The following IGSF21 variants were observed in gnomAD, a reference collection of about 807,000 sequenced individuals.
IGSF21 encodes immunoglobulin superfamily member 21.
A neutral mutation model predicts 46.8 loss-of-function variants in IGSF21; 28 were observed. The ratio of observed to expected loss-of-function variants is 0.60; its 90% CI spans 0.44 to 0.82. The LOEUF is 0.82. IGSF21 is among the 40% of genes least tolerant of loss of function. IGSF21 has a pLI of 0.00. For synonymous variants in IGSF21, 284 were observed against 273.6 expected, an observed-to-expected ratio of 1.04 and a Z score of -0.38; for missense variants, 624 against 665.5, an observed-to-expected ratio of 0.94 and a Z score of 0.69.
intron 9 of IGSF21, 28 bp downstream of exon 9, chr1:18,377,459 CT>C: frequency 6.2e-7 from 1 of 1,600,414 alleles, no homozygotes; most frequent in East Asian, 2.2e-5. Flanking sequence ...GGATTTTTTG[CT>C]TAAAAGGGAG....
At chr1:18,242,944 G>T (rs1439131590) in intron 2 of IGSF21, among the ~76,000 whole-genome samples, 1 of 152,176 alleles carries the variant, frequency 6.6e-6, no homozygotes, top group Non-Finnish European at 1.5e-5. Context: ...AGTGAGGAAG[G>T]GACAGTGGGC....
At chr1:18,369,380 C>T (rs74056442) in intron 6 of IGSF21, among the ~76,000 whole-genome samples, 79 of 152,288 alleles carry the variant, frequency 5.2e-4, no homozygotes, top group African/African-American at 1.9e-3. Flanking sequence ...CCTGTGAGGC[C>T]GCTGAGAGTT....
chr1:18,342,054 G>GTT (rs60349068), intron 4 of IGSF21, among the ~76,000 whole-genome samples: 101 of 144,620 alleles, frequency 7.0e-4, no homozygotes, highest in African/African-American at 2.4e-3. Flanking sequence ...CATTTTCCTT[G>GTT]TTTTTTTTTT....
chr1:18,240,835 G>A (rs1190033613), intron 2 of IGSF21, among the ~76,000 whole-genome samples: 1 of 152,212 alleles, frequency 6.6e-6, no homozygotes, highest in Non-Finnish European at 1.5e-5. Flanking sequence ...AGTGCACCCA[G>A]AGCTATTGAC....
rs1050532693 is a variant in IGSF21 at position 18,234,806 on chromosome 1, G to A, written c.183+6796G>A. 8.6e-5 allele frequency among the ~76,000 whole-genome samples: 13 copies of A among 151,934 alleles called. 1 individual carries two copies. The highest frequency in any genetic ancestry group is 8.5e-4 in the Admixed American group (13 of 15,244). Reference sequence around the variant, plus strand: ...CCACAGTTCAAGACGAGATTTGGGTGGGGGCACAGCCAAACCATATCACAA... The same window carrying A: ...CCACAGTTCAAGACGAGATTTGGGTAGGGGCACAGCCAAACCATATCACAA... On this transcript the variant is annotated intron_variant, in intron 2 of 9. Transcript: ENST00000251296.
At chr1:18,214,984 C>G (rs1557591112) in intron 1 of IGSF21, among the ~76,000 whole-genome samples, 1 of 152,194 alleles carries the variant, frequency 6.6e-6, no homozygotes, top group Non-Finnish European at 1.5e-5. Flanking sequence ...TCGTGATCCG[C>G]CCTCCTCGGC....
chr1:18,281,493 G>T (rs1199915342), intron 2 of IGSF21, among the ~76,000 whole-genome samples: 3 of 151,662 alleles, frequency 2.0e-5, no homozygotes, highest in African/African-American at 7.3e-5. Flanking sequence ...TTGAACTCAG[G>T]AGACGGAGGT....
chr1:18,287,909 G>A (rs1318413575), intron 2 of IGSF21, among the ~76,000 whole-genome samples: 1 of 152,186 alleles, frequency 6.6e-6, no homozygotes, highest in African/African-American at 2.4e-5. Flanking sequence ...AGCAAGAGAT[G>A]CTTTGCTCTC....
At chr1:18,268,047 G>A (rs1251562775) in intron 2 of IGSF21, among the ~76,000 whole-genome samples, 1 of 152,194 alleles carries the variant, frequency 6.6e-6, no homozygotes, top group Admixed American at 6.5e-5. Flanking sequence ...TTGCTGCTGT[G>A]TCCCCAGTGC....
At chr1:18,260,372 G>A (rs74056569) in intron 2 of IGSF21, among the ~76,000 whole-genome samples, 2,523 of 152,344 alleles carry the variant, frequency 0.017, 88 homozygotes, top group African/African-American at 0.056. Context: ...AGCTTAGCCC[G>A]GGAGGGTTCT....
Position 18,227,978 on chromosome 1 carries a change from G to C in IGSF21, c.151G>C (p.Asp51His), listed in dbSNP as rs780363641. Residue 51 changes from aspartate to histidine, a missense_variant, in exon 2 of 10, where the codon GAT becomes CAT. Coordinates refer to ENST00000251296, the MANE Select transcript of IGSF21 (RefSeq NM_032880.5). ...GACTTTGAAGTGTAACTTCAAGACA[G>C]ATGGGCGCATGCGGGAGATCGTGTG... ...AVTLKCNFKT[D>H]GRMREIVWYR... The C allele has an allele frequency of 1.2e-6, 2 of 1,614,078 alleles. No individual in the cohort carries two copies.
intron 1 of IGSF21, among the ~76,000 whole-genome samples, chr1:18,156,021 T>G (rs2086565386): frequency 6.6e-6 from 1 of 152,240 alleles, no homozygotes; most frequent in Non-Finnish European, 1.5e-5. Flanking sequence ...CCTGGCAGCC[T>G]GTGTAAATAG....
chr1:18,140,040 C>A (rs974261354), intron 1 of IGSF21, among the ~76,000 whole-genome samples: 1 of 152,176 alleles, frequency 6.6e-6, no homozygotes, highest in Admixed American at 6.5e-5. Flanking sequence ...TCAACCTCCC[C>A]AGCTCAAACA....
intron 1 of IGSF21, among the ~76,000 whole-genome samples, chr1:18,197,920 A>C (rs1477869042): frequency 1.3e-5 from 2 of 152,118 alleles, no homozygotes; most frequent in African/African-American, 4.8e-5. Context: ...TTCTATAAGA[A>C]TCCAGTGGAT....
At chr1:18,289,506 C>T (rs2085246627) in intron 2 of IGSF21, among the ~76,000 whole-genome samples, 1 of 152,262 alleles carries the variant, frequency 6.6e-6, no homozygotes, top group African/African-American at 2.4e-5. Flanking sequence ...AATCATTTTG[C>T]CTCTCCAAGC....
chr1:18,237,949 G>A (rs544042922), intron 2 of IGSF21, among the ~76,000 whole-genome samples: 2 of 152,190 alleles, frequency 1.3e-5, no homozygotes, highest in African/African-American at 4.8e-5. Context: ...TGATCCTTGG[G>A]CCAGGGATTC....
At chr1:18,326,769 G>C (rs1360663891) in intron 3 of IGSF21, among the ~76,000 whole-genome samples, 1 of 152,126 alleles carries the variant, frequency 6.6e-6, no homozygotes, top group Non-Finnish European at 1.5e-5. Context: ...GGCCACATCT[G>C]AGTTTGCAGT....
intron 3 of IGSF21, among the ~76,000 whole-genome samples, chr1:18,305,260 G>A (rs1226024991): frequency 2.0e-5 from 3 of 151,800 alleles, no homozygotes; most frequent in East Asian, 3.9e-4. Context: ...ATGCATGGAT[G>A]GTGGATGGGT....
At chr1:18,239,994 G>A (rs1219872549) in intron 2 of IGSF21, among the ~76,000 whole-genome samples, 1 of 152,222 alleles carries the variant, frequency 6.6e-6, no homozygotes, top group Non-Finnish European at 1.5e-5. Flanking sequence ...AATGGGCTGG[G>A]CACACACAGG....
Sources: allele counts gnomAD v4.1 joint callset (sites outside exome capture counted in the v4.1 genomes callset), GRCh38; gene constraint gnomAD v4.1.1; transcripts MANE v1.5; gene names NCBI Gene and HGNC (gene_info 2026-07-23, HGNC 2026-07-21).